TAF3: variants seen among roughly 807,000 people sequenced by gnomAD.
The protein encoded by TAF3 is TATA-box binding protein associated factor 3.
A neutral mutation model predicts 80.6 loss-of-function variants in TAF3; 7 were observed. That is an observed-to-expected ratio of 0.09 (90% confidence interval 0.05 to 0.16). The LOEUF (loss-of-function observed/expected upper bound fraction) is 0.16. Among genes scored for constraint, TAF3 ranks in the 10% least tolerant of loss-of-function variants. The pLI is 1.00. For missense variants in TAF3, 921 were observed against 1,140.2 expected, an observed-to-expected ratio of 0.81 and a Z score of 2.77; for synonymous variants, 444 against 446.1, an observed-to-expected ratio of 1.00 and a Z score of 0.06.
At chr10:7,996,842 AT>A (rs34866346) in intron 4 of TAF3, among the ~76,000 whole-genome samples, 2,564 of 131,864 alleles carry the variant, frequency 0.019, 61 homozygotes, top group African/African-American at 0.066. Context: ...ACCACACTCT[AT>A]TTTTTTTTTT....
chr10:7,974,675 A>C (rs1329714506), intron 3 of TAF3, among the ~76,000 whole-genome samples: 1 of 152,172 alleles, frequency 6.6e-6, no homozygotes, highest in African/African-American at 2.4e-5. Context: ...ATGAAGAAGA[A>C]GTGAGAAAAC....
intron 2 of TAF3, among the ~76,000 whole-genome samples, chr10:7,870,082 A>G (rs1017221251): frequency 9.2e-5 from 14 of 152,234 alleles, no homozygotes; most frequent in African/African-American, 3.4e-4. Flanking sequence ...GTATACAAAT[A>G]GTAATGTAGG....
At position 7,964,603 on chromosome 10, in the gene TAF3, C is replaced by T. The variant is rs759803699; in HGVS notation, c.1093C>T (p.Pro365Ser). 1 of 1,614,114 alleles carries T rather than the reference C, an allele frequency of 6.2e-7. No homozygotes were observed. Among genetic ancestry groups the T allele is most frequent in the Non-Finnish European group, 8.5e-7 (1 of 1,180,032 alleles). ...TATCCAGGTAAAACAAATACAGACACCCCCTGATGCTGGGAAACTGAACAG... is the reference window on the plus strand; with the variant it reads ...TATCCAGGTAAAACAAATACAGACATCCCCTGATGCTGGGAAACTGAACAG... ...ETIQVKQIQT[P>S]PDAGKLNSEN... Residue 365 changes from proline to serine, a missense_variant, in exon 3 of 7, where the codon CCC (proline) becomes TCC (serine). Pro to Ser is a moderately conservative substitution (Grantham distance 74). This residue lies in a region of TAF3 where 743 missense variants were observed against 821.0 expected (regional missense o/e 0.90). Coordinates refer to ENST00000344293, the MANE Select transcript of TAF3 (RefSeq NM_031923.4). The surrounding 1 kb of genome is among the most constrained non-coding windows in gnomAD (Gnocchi z 4.1).
Position 7,964,639 on chromosome 10 carries a change from C to T in TAF3, c.1129C>T (p.Pro377Ser). The change falls in exon 3 of 7, where the codon CCG becomes TCG. Residue 377 changes from proline to serine, a missense_variant. Physicochemically the swap from Pro to Ser is moderately conservative, Grantham distance 74. Transcript: ENST00000344293. This position sits in a 1 kb window ranked among gnomAD's most constrained non-coding sequence, Gnocchi z 4.1. Reference protein sequence around the residue: ...DAGKLNSENQPKKAVVADKTI... With the variant: ...DAGKLNSENQSKKAVVADKTI... ...TGGGAAACTGAACAGTGAGAATCAGCCGAAAAAGGCTGTGGTAGCAGATAA... is the reference window on the plus strand; with the variant it reads ...TGGGAAACTGAACAGTGAGAATCAGTCGAAAAAGGCTGTGGTAGCAGATAA... The T allele has an allele frequency of 6.2e-7, 1 of 1,614,112 alleles. No homozygotes were observed. The highest frequency in any genetic ancestry group is 8.5e-7 in the Non-Finnish European group (1 of 1,180,004).
chr10:7,827,746 C>T (rs1180729061), intron 2 of TAF3, among the ~76,000 whole-genome samples: 2 of 150,800 alleles, frequency 1.3e-5, no homozygotes, highest in African/African-American at 2.4e-5. Flanking sequence ...TGCCACTGTA[C>T]TCCAGCCTGG....
chr10:7,927,782 G>C (rs1027777338), intron 2 of TAF3, among the ~76,000 whole-genome samples: 4 of 152,124 alleles, frequency 2.6e-5, no homozygotes, highest in African/African-American at 9.7e-5. Context: ...ATAAAAGAAA[G>C]TATAAAAATT....
chr10:7,864,252 C>T (rs1386708253), intron 2 of TAF3, among the ~76,000 whole-genome samples: 1 of 152,200 alleles, frequency 6.6e-6, no homozygotes, highest in Non-Finnish European at 1.5e-5. Context: ...TCCCTTACCC[C>T]AACCTGTGGC....
intron 2 of TAF3, among the ~76,000 whole-genome samples, chr10:7,900,024 T>A (rs963801594): frequency 6.6e-6 from 1 of 152,186 alleles, no homozygotes; most frequent in Admixed American, 6.5e-5. Flanking sequence ...TCCAACTCCC[T>A]TCTTATTTGC....
chr10:7,887,979 A>G (rs1257698619), intron 2 of TAF3, among the ~76,000 whole-genome samples: 9 of 152,164 alleles, frequency 5.9e-5, no homozygotes, highest in African/African-American at 2.2e-4. Context: ...CCTTGAATTC[A>G]TATTTAAAGT....
At chr10:7,935,154 G>T (rs755599791) in intron 2 of TAF3, among the ~76,000 whole-genome samples, 8 of 152,226 alleles carry the variant, frequency 5.3e-5, no homozygotes, top group African/African-American at 1.9e-4. Context: ...GTGCGCGCCT[G>T]TAATCCCAGC....
intron 2 of TAF3, among the ~76,000 whole-genome samples, chr10:7,894,225 A>T (rs1240243025): frequency 6.6e-6 from 1 of 152,136 alleles, no homozygotes; most frequent in East Asian, 1.9e-4. Context: ...CACTTCTCCT[A>T]CCCCTAAGCA....
In TAF3 at chr10:7,871,435, C is replaced by CTTTTTTTTTTTTT. The variant is rs527356726; in HGVS notation, c.409+46888_409+46900dup. The stretch of plus-strand genomic sequence containing the variant: ...CTAAATTGATGACAAATAACTGCTG[C>CTTTTTTTTTTTTT]TTTTTTTTTTTTTTTTTTTTTTTTT... On this transcript the variant is annotated intron_variant, in intron 2 of 6. Transcript: ENST00000344293. 9.0e-4 allele frequency among the ~76,000 whole-genome samples: 62 copies of CTTTTTTTTTTTTT among 69,112 alleles called. 4 individuals are homozygous for CTTTTTTTTTTTTT. Among genetic ancestry groups the CTTTTTTTTTTTTT allele is most frequent in the African/African-American group, 1.3e-3 (27 of 20,546 alleles). The allele number at this position is 69,112 out of a possible 152,430, so 45.3% of individuals were successfully genotyped here.
intron 2 of TAF3, among the ~76,000 whole-genome samples, chr10:7,840,049 G>T (rs1440887911): frequency 6.6e-6 from 1 of 152,092 alleles, no homozygotes; most frequent in East Asian, 1.9e-4. Context: ...GCTATAGTAA[G>T]AGATTTTTGG....
chr10:7,935,439 C>G (rs1376662910), intron 2 of TAF3, among the ~76,000 whole-genome samples: 3 of 151,782 alleles, frequency 2.0e-5, no homozygotes, highest in South Asian at 2.1e-4. Flanking sequence ...CAAAAAATAG[C>G]CTGGCGTGGT....
chr10:7,908,762 T>C (rs1198827261), intron 2 of TAF3, among the ~76,000 whole-genome samples: 1 of 152,268 alleles, frequency 6.6e-6, no homozygotes, highest in Non-Finnish European at 1.5e-5. Context: ...ACCTGATATG[T>C]AAGACAGATT....
intron 2 of TAF3, among the ~76,000 whole-genome samples, chr10:7,933,251 A>G (rs945002586): frequency 1.8e-4 from 27 of 152,232 alleles, no homozygotes; most frequent in African/African-American, 6.3e-4. Context: ...TTAAAATGTC[A>G]GCTCACTGAA....
At chr10:7,946,103 C>T (rs1838021711) in intron 2 of TAF3, among the ~76,000 whole-genome samples, 1 of 152,182 alleles carries the variant, frequency 6.6e-6, no homozygotes, top group Non-Finnish European at 1.5e-5. Flanking sequence ...GTCACTGCAT[C>T]CTCTACACAG....
intron 2 of TAF3, among the ~76,000 whole-genome samples, chr10:7,846,248 C>T (rs1054827372): frequency 2.0e-5 from 3 of 152,002 alleles, no homozygotes; most frequent in Non-Finnish European, 4.4e-5. Flanking sequence ...TGAGCCACTG[C>T]GCCCGGCCAA....
At chr10:7,877,868 G>A (rs562022133) in intron 2 of TAF3, among the ~76,000 whole-genome samples, 3 of 152,084 alleles carry the variant, frequency 2.0e-5, no homozygotes, top group South Asian at 2.1e-4. Flanking sequence ...TTTATACACC[G>A]TGTGTGTTAT....
Sources: gnomAD v4.1 joint callset for allele counts (sites outside exome capture counted in the v4.1 genomes callset) on GRCh38, gnomAD v4.1.1 for gene constraint, gnomAD v4.1.1 regional missense constraint, Gnocchi (gnomAD v3.1) non-coding constraint, MANE v1.5 for transcripts, NCBI Gene and HGNC (gene_info 2026-07-23, HGNC 2026-07-21) for gene names.